The following KDM4C variants were observed in gnomAD, a reference collection of about 807,000 sequenced individuals.
KDM4C encodes the protein lysine demethylase 4C.
Under a neutral mutation model 129.3 loss-of-function variants are expected in KDM4C, and 81 were observed. The observed-to-expected ratio is 0.63, with a 90% CI of 0.52 to 0.75. The LOEUF (loss-of-function observed/expected upper bound fraction) is 0.75. Ranked by LOEUF, KDM4C falls within the 30% of genes least tolerant of loss-of-function variation. The pLI, the probability that KDM4C is intolerant of heterozygous loss-of-function variation, is 0.00. For missense variants in KDM4C, 1,457 were observed against 1,304.0 expected (o/e 1.12, Z -1.81); for synonymous variants, 573 against 456.1 (o/e 1.26, Z -3.26).
intron 8 of KDM4C, among the ~76,000 whole-genome samples, chr9:6,965,652 G>A (rs1418924241): frequency 6.6e-6 from 1 of 152,208 alleles, no homozygotes; most frequent in Non-Finnish European, 1.5e-5. Flanking sequence ...TTCAGGTGTG[G>A]TCTGAAGGCA....
At chr9:6,785,904 CAG>C (rs2130808649) in intron 1 of KDM4C, among the ~76,000 whole-genome samples, 1 of 152,276 alleles carries the variant, frequency 6.6e-6, no homozygotes, top group Admixed American at 6.5e-5. Context: ...ATTGAAAGGC[CAG>C]ACTCCATCAC....
intron 8 of KDM4C, among the ~76,000 whole-genome samples, chr9:6,918,979 G>A (rs1239381262): frequency 6.6e-6 from 1 of 152,076 alleles, no homozygotes; most frequent in Non-Finnish European, 1.5e-5. Flanking sequence ...AGCCTTCCGA[G>A]TAGCTGGGAT....
At chr9:7,064,298 T>A (rs1221578286) in intron 17 of KDM4C, among the ~76,000 whole-genome samples, 1 of 152,182 alleles carries the variant, frequency 6.6e-6, no homozygotes, top group Non-Finnish European at 1.5e-5. Flanking sequence ...ATATTTTAGA[T>A]TTATAAGATT....
At chr9:6,751,784 G>A (rs1443180716) in intron 1 of KDM4C, among the ~76,000 whole-genome samples, 2 of 152,102 alleles carry the variant, frequency 1.3e-5, no homozygotes, top group African/African-American at 4.8e-5. Context: ...GCTGAAAATT[G>A]AGCTCATTGA....
rs369102683 is a variant in KDM4C at position 7,011,870 on chromosome 9, G to A, written c.1959G>A (p.Pro653=). The stretch of plus-strand genomic sequence containing the variant: ...GTGCCATCTGCACTCTGCTCATGCC[G>A]TACCACAAGGTAAAGGAGCCTGCTA... ...PHCAICTLLM[P]YHKPDSSNEE... is the part of the protein sequence containing the mutation. Residue 653 remains proline (P), a synonymous_variant, in exon 13 of 22, where the codon CCG becomes CCA. Transcript: ENST00000381309. The A allele has an allele frequency of 7.4e-6, 12 of 1,612,790 alleles. No individual in the cohort carries two copies. Among genetic ancestry groups the A allele is most frequent in the African/African-American group, 1.3e-5 (1 of 75,036 alleles).
At chr9:7,100,212 C>T (rs1836911902) in intron 17 of KDM4C, among the ~76,000 whole-genome samples, 2 of 152,140 alleles carry the variant, frequency 1.3e-5, no homozygotes. Context: ...GGCAGCATGG[C>T]AAAACCCTGT....
chr9:7,085,805 C>G (rs1408840645), intron 17 of KDM4C, among the ~76,000 whole-genome samples: 1 of 152,060 alleles, frequency 6.6e-6, no homozygotes, highest in African/African-American at 2.4e-5. Flanking sequence ...AGCATGCAGT[C>G]TCAGAGGAAC....
intron 12 of KDM4C, among the ~76,000 whole-genome samples, chr9:6,996,135 C>G (rs922264718): frequency 6.6e-6 from 1 of 152,214 alleles, no homozygotes; most frequent in African/African-American, 2.4e-5. Context: ...ACTTTGGTAT[C>G]TCTGTTTGTT....
chr9:7,170,451 A>T, intron 21 of KDM4C: 1 of 987,064 alleles, frequency 1.0e-6, no homozygotes, highest in Non-Finnish European at 1.2e-6. Flanking sequence ...GCAGTTTTTT[A>T]AAAAGGAAAT....
At chr9:7,092,068 C>T (rs965890659) in intron 17 of KDM4C, among the ~76,000 whole-genome samples, 1 of 152,202 alleles carries the variant, frequency 6.6e-6, no homozygotes, top group Non-Finnish European at 1.5e-5. Context: ...TGGCCTTTTG[C>T]ATTGGCAAAC....
At chr9:6,784,649 C>G (rs1006077068) in intron 1 of KDM4C, among the ~76,000 whole-genome samples, 1 of 152,244 alleles carries the variant, frequency 6.6e-6, no homozygotes, top group African/African-American at 2.4e-5. Flanking sequence ...TACCCCTGGC[C>G]TCAGCAGGCA....
intron 20 of KDM4C, 40 bp from the exon 21 acceptor site, chr9:7,169,758 G>A (rs746218069): frequency 1.3e-6 from 2 of 1,530,918 alleles, no homozygotes; most frequent in Non-Finnish European, 1.8e-6. Context: ...GGTCAGTGCT[G>A]TTTTTTTAAT....
Position 7,165,377 on chromosome 9 carries a change from T to G in KDM4C, c.2901+20T>G. On this transcript the variant is annotated intron_variant, in intron 20 of 21. Coordinates refer to ENST00000381309, the MANE Select transcript of KDM4C (RefSeq NM_015061.6). ...TACCAGGTGGGTTCTTCCTTCTCTG[T>G]GATGCTTGCTAAGATTGACATGATA... 6 of 1,611,966 alleles carry G rather than the reference T, an allele frequency of 3.7e-6. No individual in the cohort carries two copies. Among genetic ancestry groups the G allele is most frequent in the Non-Finnish European group, 5.1e-6 (6 of 1,178,774 alleles).
intron 17 of KDM4C, among the ~76,000 whole-genome samples, chr9:7,099,766 A>C (rs1375884952): frequency 6.6e-6 from 1 of 152,170 alleles, no homozygotes; most frequent in Non-Finnish European, 1.5e-5. Context: ...CCTTGCCAGA[A>C]CTGTCCTGTC....
chr9:7,153,197 C>G (rs906581012), intron 19 of KDM4C, among the ~76,000 whole-genome samples: 1 of 152,262 alleles, frequency 6.6e-6, no homozygotes, highest in East Asian at 1.9e-4. Context: ...CTTGGCCGCC[C>G]AAAGTGCTGG....
intron 4 of KDM4C, among the ~76,000 whole-genome samples, chr9:6,825,382 C>T (rs535991035): frequency 6.6e-6 from 1 of 152,256 alleles, no homozygotes; most frequent in African/African-American, 2.4e-5. Context: ...ACAACTGCTT[C>T]GGTAAGATAC....
chr9:6,971,514 G>A (rs1049233983), intron 8 of KDM4C, among the ~76,000 whole-genome samples: 4 of 152,054 alleles, frequency 2.6e-5, no homozygotes, highest in African/African-American at 4.8e-5. Context: ...TGTGCCCCTC[G>A]GGTAGTCAAG....
chr9:6,833,804 A>C (rs923632382), intron 4 of KDM4C, among the ~76,000 whole-genome samples: 1 of 152,182 alleles, frequency 6.6e-6, no homozygotes, highest in African/African-American at 2.4e-5. Flanking sequence ...TCTGACCAAG[A>C]GAATTGTGAA....
At chr9:6,736,738 G>T (rs988310186) in intron 1 of KDM4C, among the ~76,000 whole-genome samples, 4 of 152,050 alleles carry the variant, frequency 2.6e-5, no homozygotes, top group South Asian at 2.1e-4. Flanking sequence ...AAAGTTTTAG[G>T]ATACAAAATC....
Sources: gnomAD v4.1 joint callset for allele counts (sites outside exome capture counted in the v4.1 genomes callset) on GRCh38, gnomAD v4.1.1 for gene constraint, MANE v1.5 for transcripts, NCBI Gene and HGNC (gene_info 2026-07-23, HGNC 2026-07-21) for gene names.